NRXN1: variants seen among roughly 807,000 people sequenced by gnomAD.
NRXN1 encodes the protein neurexin-1.
In NRXN1, 39 loss-of-function variants were observed where a neutral mutation model predicts 150.9. The observed-to-expected ratio is 0.26, with a 90% confidence interval of 0.20 to 0.34. The LOEUF (loss-of-function observed/expected upper bound fraction) is 0.34, where lower values mean the gene tolerates loss of function less well. NRXN1 is among the 10% of genes least tolerant of loss of function. The pLI, the probability that NRXN1 is intolerant of heterozygous loss-of-function variation, is 1.00. For missense variants in NRXN1, 1,815 were observed against 1,949.9 expected (o/e 0.93, Z 1.30); for synonymous variants, 924 against 757.0 (o/e 1.22, Z -3.62).
chr2:50,773,284 G>T (rs987090884), intron 5 of NRXN1, among the ~76,000 whole-genome samples: 1 of 152,046 alleles, frequency 6.6e-6, no homozygotes, highest in Non-Finnish European at 1.5e-5. Flanking sequence ...TGTCCAGAGG[G>T]TCTCTTTTCA....
At chr2:50,565,951 A>G (rs573045427) in intron 8 of NRXN1, among the ~76,000 whole-genome samples, 2 of 152,230 alleles carry the variant, frequency 1.3e-5, no homozygotes, top group African/African-American at 4.8e-5. Flanking sequence ...TGGCTTATTG[A>G]AGACTCCTGC....
intron 13 of NRXN1, among the ~76,000 whole-genome samples, chr2:50,502,198 G>A (rs563412477): frequency 3.4e-5 from 5 of 147,568 alleles, no homozygotes; most frequent in East Asian, 3.9e-4. Flanking sequence ...GAAGAAGGAA[G>A]GAAGAAAGGA....
chr2:50,085,600 A>G (rs962269819), intron 19 of NRXN1, among the ~76,000 whole-genome samples: 3 of 152,140 alleles, frequency 2.0e-5, no homozygotes, highest in African/African-American at 7.2e-5. Flanking sequence ...GAAAATAATT[A>G]GTGCTTACTA....
intron 5 of NRXN1, among the ~76,000 whole-genome samples, chr2:50,728,474 G>T (rs1697673555): frequency 6.6e-6 from 1 of 152,158 alleles, no homozygotes; most frequent in South Asian, 2.1e-4. Context: ...GTGTGTATGT[G>T]TATGTAAATA....
chr2:50,137,202 T>C (rs1706547998), intron 18 of NRXN1, among the ~76,000 whole-genome samples: 1 of 152,102 alleles, frequency 6.6e-6, no homozygotes, highest in African/African-American at 2.4e-5. Flanking sequence ...AAACATATAA[T>C]ATATAAAAAT....
chr2:50,899,730 T>A (rs1163781231), intron 5 of NRXN1, among the ~76,000 whole-genome samples: 1 of 152,192 alleles, frequency 6.6e-6, no homozygotes, highest in Non-Finnish European at 1.5e-5. Context: ...AATTTATAGG[T>A]TCTTATGACA....
In NRXN1 at chr2:50,346,965, G is replaced by T. The variant is rs766316339; in HGVS notation, c.3365-109995C>A. Reference sequence around the variant, plus strand: ...TCTGGTACATGGCGGGGCGCCCGCCGAGGGGCAGCCGCCGCGGGAGGCAAA... The same window carrying T: ...TCTGGTACATGGCGGGGCGCCCGCCTAGGGGCAGCCGCCGCGGGAGGCAAA... On this transcript the variant is annotated intron_variant, in intron 17 of 22. Transcript: ENST00000401669. This position sits in a 1 kb window ranked among gnomAD's most constrained non-coding sequence, Gnocchi z 5.0. 4 of 1,367,454 alleles carry T rather than the reference G, an allele frequency of 2.9e-6. No individual in the cohort carries two copies. In the Admixed American group the frequency reaches 8.9e-5, roughly 30 times the overall value. 84.7% of individuals were successfully genotyped at this position (1,367,454 alleles called of 1,614,324 possible).
chr2:50,700,860 G>T (rs1168181213), intron 5 of NRXN1, among the ~76,000 whole-genome samples: 1 of 151,580 alleles, frequency 6.6e-6, no homozygotes, highest in East Asian at 1.9e-4. Flanking sequence ...TAGAGACGGG[G>T]TTTCACCGTG....
intron 21 of NRXN1, among the ~76,000 whole-genome samples, chr2:49,994,880 G>GA (rs1289141469): frequency 1.3e-5 from 2 of 152,180 alleles, no homozygotes; most frequent in East Asian, 3.8e-4. Flanking sequence ...TAACATCATG[G>GA]AAAAATCACT....
Position 50,053,321 on chromosome 2 carries a change from T to C in NRXN1, c.4078A>G (p.Thr1360Ala), listed in dbSNP as rs1693036341. 2.5e-6 allele frequency: 4 copies of C among 1,614,016 alleles called. No individual in the cohort carries two copies. The highest frequency in any genetic ancestry group is 3.4e-6 in the Non-Finnish European group (4 of 1,179,906). Reference protein sequence around the residue: ...SIMETTTTLATSTARRGKPPT... With the variant: ...SIMETTTTLAASTARRGKPPT... ...GGCTTTCCTCTTCTGGCTGTGCTAG[T>C]AGCCAGGGTCGTGGTAGTCTCCATA... The change falls in exon 21 of 23, where the codon ACT (threonine) becomes GCT (alanine). Residue 1360 changes from threonine (T) to alanine (A), a missense_variant. Around this residue, in one of 6 missense-constraint regions of NRXN1, gnomAD observed 265 missense variants for 307.1 expected, o/e 0.86. Transcript: ENST00000401669.
chr2:50,320,312 A>ATATATATATATATATATG (rs1558519091), intron 17 of NRXN1, among the ~76,000 whole-genome samples: 2 of 125,372 alleles, frequency 1.6e-5, no homozygotes, highest in African/African-American at 6.3e-5. Context: ...ATATATATAT[A>ATATATATATATATATATG]TATATATATA....
At chr2:50,823,101 T>C (rs369967199) in intron 5 of NRXN1, among the ~76,000 whole-genome samples, 36 of 152,326 alleles carry the variant, frequency 2.4e-4, no homozygotes, top group African/African-American at 7.7e-4. Flanking sequence ...AGGAACCTCT[T>C]TGAGTTGTCA....
intron 18 of NRXN1, among the ~76,000 whole-genome samples, chr2:50,162,450 C>T (rs1276829194): frequency 6.6e-6 from 1 of 152,002 alleles, no homozygotes; most frequent in Admixed American, 6.6e-5. Context: ...GTGATGTTTA[C>T]ACAGCAACTC....
intron 5 of NRXN1, among the ~76,000 whole-genome samples, chr2:50,636,456 T>A (rs1036673082): frequency 6.6e-6 from 1 of 152,170 alleles, no homozygotes; most frequent in Non-Finnish European, 1.5e-5. Flanking sequence ...TATGGTTCTA[T>A]AACATTCTCG....
intron 17 of NRXN1, among the ~76,000 whole-genome samples, chr2:50,457,556 T>C (rs1174687401): frequency 6.6e-6 from 1 of 152,020 alleles, no homozygotes; most frequent in Non-Finnish European, 1.5e-5. Flanking sequence ...TTGCAGACTA[T>C]TAATCCAAAG....
rs867243762 is a variant in NRXN1 at position 50,334,021 on chromosome 2, T to C, written c.3365-97051A>G. 1.4e-4 allele frequency among the ~76,000 whole-genome samples: 21 copies of C among 151,990 alleles called. 2 individuals are homozygous for C. In the South Asian group the frequency reaches 1.7e-3, roughly 12 times the overall value. On this transcript the variant is annotated intron_variant, in intron 17 of 22. Coordinates refer to ENST00000401669, the MANE Select transcript of NRXN1 (RefSeq NM_001330078.2). ...CATCCACAAGTGAAGGATGGAGCCCTGCCCTGCTCTTTGGGAGCTTTTTGC... is the reference window on the plus strand; with the variant it reads ...CATCCACAAGTGAAGGATGGAGCCCCGCCCTGCTCTTTGGGAGCTTTTTGC...
At chr2:50,545,765 T>C (rs2093479730) in intron 9 of NRXN1, among the ~76,000 whole-genome samples, 1 of 152,176 alleles carries the variant, frequency 6.6e-6, no homozygotes, top group South Asian at 2.1e-4. Flanking sequence ...CATTCCTCAG[T>C]ATCTGTGGAA....
rs564507729 is a variant in NRXN1 at position 50,346,749 on chromosome 2, C to G, written c.3365-109779G>C. 1.9e-6 allele frequency: 3 copies of G among 1,613,946 alleles called. No individual in the cohort carries two copies. In the East Asian group the frequency reaches 6.7e-5, roughly 36 times the overall value. ...AGATTGCAATAGGCACTGAATGATG[C>G]TTGCTGCTGCCATGGAAATGGTGGA... On this transcript the variant is annotated intron_variant, in intron 17 of 22. Coordinates refer to ENST00000401669, the MANE Select transcript of NRXN1 (RefSeq NM_001330078.2). The surrounding 1 kb of genome is among the most constrained non-coding windows in gnomAD (Gnocchi z 5.0).
At chr2:50,560,910 G>A (rs1370706073) in intron 8 of NRXN1, among the ~76,000 whole-genome samples, 7 of 151,970 alleles carry the variant, frequency 4.6e-5, no homozygotes, top group African/African-American at 1.2e-4. Context: ...GTTATAAAAT[G>A]GAAATCAAAC....
Sources: gnomAD v4.1 joint callset for allele counts (sites outside exome capture counted in the v4.1 genomes callset) on GRCh38, gnomAD v4.1.1 for gene constraint, gnomAD v4.1.1 regional missense constraint, Gnocchi (gnomAD v3.1) non-coding constraint, MANE v1.5 for transcripts, NCBI Gene and HGNC (gene_info 2026-07-23, HGNC 2026-07-21) for gene names.